MAF: variants seen among roughly 807,000 people sequenced by gnomAD.
The protein encoded by MAF is transcription factor Maf.
In MAF, 10 loss-of-function variants were observed where a neutral mutation model predicts 22.0. The ratio of observed to expected loss-of-function variants is 0.45; its 90% CI spans 0.28 to 0.77. MAF has a LOEUF of 0.77. MAF is among the 30% of genes least tolerant of loss of function. The pLI, the probability that MAF is intolerant of heterozygous loss-of-function variation, is 0.12. For synonymous variants in MAF, 337 were observed against 255.8 expected (o/e 1.32, Z -3.03); for missense variants, 544 against 548.4 (o/e 0.99, Z 0.08).
chr16:79,386,607 T>C, the MAF span, among the ~76,000 whole-genome samples: 1 of 152,190 alleles, frequency 6.6e-6, no homozygotes, highest in Non-Finnish European at 1.5e-5. Flanking sequence ...TGGGGACTCC[T>C]GTATATAACT....
the MAF span, among the ~76,000 whole-genome samples, chr16:79,218,625 T>C: frequency 6.6e-6 from 1 of 152,246 alleles, no homozygotes; most frequent in Non-Finnish European, 1.5e-5. Context: ...GATTTTCACA[T>C]TGTCACAACC....
chr16:79,552,191 C>G, the MAF span, among the ~76,000 whole-genome samples: 2 of 151,270 alleles, frequency 1.3e-5, no homozygotes, highest in Admixed American at 6.7e-5. Flanking sequence ...CCTTGTTCTT[C>G]TGAACCTTGG....
At chr16:79,488,106 T>C in the MAF span, among the ~76,000 whole-genome samples, 13 of 152,194 alleles carry the variant, frequency 8.5e-5, no homozygotes, top group African/African-American at 2.7e-4. Flanking sequence ...GAGTGACGCA[T>C]TGGCACGCCT....
chr16:79,502,285 G>T, the MAF span, among the ~76,000 whole-genome samples: 1 of 152,094 alleles, frequency 6.6e-6, no homozygotes, highest in Non-Finnish European at 1.5e-5. Context: ...TAAAATAAGA[G>T]CATTAGGCTT....
At chr16:79,455,118 A>T in the MAF span, among the ~76,000 whole-genome samples, 106 of 147,786 alleles carry the variant, frequency 7.2e-4, no homozygotes, top group African/African-American at 2.4e-3. Flanking sequence ...AAAAGAAAGA[A>T]TTCCCTCCAC....
downstream of MAF, chr16:79,585,774 C>T: frequency 1.7e-6 from 1 of 575,096 alleles, no homozygotes; most frequent in Non-Finnish European, 3.0e-6. Flanking sequence ...AAAAAGTTAG[C>T]AGCATTCCTT....
the MAF span, among the ~76,000 whole-genome samples, chr16:79,386,420 T>C: frequency 1.3e-5 from 2 of 152,024 alleles, no homozygotes; most frequent in African/African-American, 4.8e-5. Flanking sequence ...TCATGCTCCT[T>C]TGAGAATCTA....
the MAF span, among the ~76,000 whole-genome samples, chr16:79,450,107 CTTT>C: frequency 6.6e-6 from 1 of 152,218 alleles, no homozygotes; most frequent in Admixed American, 6.5e-5. Context: ...GAGAGTGTAA[CTTT>C]TCACTTACAT....
At chr16:79,366,641 T>C in the MAF span, among the ~76,000 whole-genome samples, 3 of 152,220 alleles carry the variant, frequency 2.0e-5, no homozygotes, top group African/African-American at 4.8e-5. Flanking sequence ...GTGGAAGTTT[T>C]GAGAGTCAGC....
At chr16:79,452,208 A>G in the MAF span, among the ~76,000 whole-genome samples, 2 of 152,214 alleles carry the variant, frequency 1.3e-5, no homozygotes, top group African/African-American at 4.8e-5. Context: ...CCCCTGACAG[A>G]GTAGATAATT....
the MAF span, among the ~76,000 whole-genome samples, chr16:79,305,915 C>T: frequency 6.6e-6 from 1 of 152,188 alleles, no homozygotes; most frequent in Non-Finnish European, 1.5e-5. Flanking sequence ...TGCTTTTCTG[C>T]CACCCAAGTC....
the MAF span, among the ~76,000 whole-genome samples, chr16:79,293,990 C>CA: frequency 6.6e-6 from 1 of 152,124 alleles, no homozygotes; most frequent in African/African-American, 2.4e-5. Flanking sequence ...AGATTTTCCC[C>CA]ACAGATTTGC....
At position 79,594,546 on chromosome 16, in the gene MAF, G is replaced by T. The variant is rs1276602552; in HGVS notation, c.1126C>A (p.Pro376Thr). The T allele has an allele frequency of 1.9e-6, 3 of 1,560,710 alleles. No homozygotes were observed. Among genetic ancestry groups the T allele is most frequent in the Admixed American group, 3.8e-5 (2 of 52,852 alleles). The part of the protein sequence containing the change: ...PSSPEFFITE[P>T]TRKLEPSVGY... ...ACTGATGGCTCCAACTTGCGAGTGG[G>T]CTCAGTTCTGTAATTGGAATGAAAG... The change falls in exon 2 of 2, where the codon CCC (proline) becomes ACC (threonine). Residue 376 changes from proline to threonine, a missense_variant. Physicochemically the swap from Pro to Thr is conservative, Grantham distance 38. Around this residue, in one of 5 missense-constraint regions of MAF, gnomAD observed 129 missense variants for 113.6 expected, o/e 1.14. Transcript: ENST00000326043.
At chr16:79,368,805 G>C in the MAF span, among the ~76,000 whole-genome samples, 1 of 152,180 alleles carries the variant, frequency 6.6e-6, no homozygotes, top group African/African-American at 2.4e-5. Context: ...TTTAGTCTTT[G>C]CTCAAAGGTC....
the MAF span, among the ~76,000 whole-genome samples, chr16:79,297,475 G>A: frequency 2.0e-5 from 3 of 152,170 alleles, no homozygotes; most frequent in African/African-American, 7.2e-5. Flanking sequence ...GACTGTGAAC[G>A]AGGAAGTAGC....
chr16:79,362,200 G>C, the MAF span, among the ~76,000 whole-genome samples: 1 of 152,212 alleles, frequency 6.6e-6, no homozygotes, highest in Non-Finnish European at 1.5e-5. Flanking sequence ...AGGTAAGTAT[G>C]TAGACAAATG....
At chr16:79,304,613 T>C in the MAF span, among the ~76,000 whole-genome samples, 1 of 152,084 alleles carries the variant, frequency 6.6e-6, no homozygotes. Flanking sequence ...AAAAGAAAGG[T>C]GTTTTCTGTA....
chr16:79,283,404 TA>T, the MAF span, among the ~76,000 whole-genome samples: 1 of 152,210 alleles, frequency 6.6e-6, no homozygotes, highest in Admixed American at 6.5e-5. Flanking sequence ...TTAAAATTGG[TA>T]AAAAGTTCTC....
At chr16:79,596,945 T>C (rs1597844341) in intron 1 of MAF, 1 of 1,050,018 alleles carries the variant, frequency 9.5e-7, no homozygotes, top group Non-Finnish European at 1.2e-6. Context: ...TCCCAAATAC[T>C]TTAATTTTGA....
Sources: allele counts gnomAD v4.1 joint callset (sites outside exome capture counted in the v4.1 genomes callset), GRCh38; gene constraint gnomAD v4.1.1; regional missense constraint gnomAD v4.1.1; transcripts MANE v1.5; gene names NCBI Gene and HGNC (gene_info 2026-07-23, HGNC 2026-07-21).